CRB1: variants seen among roughly 807,000 people sequenced by gnomAD.
The protein encoded by CRB1 is crumbs cell polarity complex component 1.
In CRB1, 83 loss-of-function variants were observed where a neutral mutation model predicts 120.0. The observed-to-expected ratio is 0.69, with a 90% CI of 0.58 to 0.83. The LOEUF is 0.83. Ranked by LOEUF, CRB1 falls within the 40% of genes least tolerant of loss-of-function variation. The pLI is 0.00. For missense variants in CRB1, 1,699 were observed against 1,687.6 expected, an observed-to-expected ratio of 1.01 and a Z score of -0.12; for synonymous variants, 625 against 612.5, an observed-to-expected ratio of 1.02 and a Z score of -0.30.
chr1:197,417,574 G>A (rs1048483063), intron 5 of CRB1, among the ~76,000 whole-genome samples: 10 of 152,120 alleles, frequency 6.6e-5, no homozygotes, highest in East Asian at 3.9e-4. Context: ...AATATGAGCC[G>A]CCAGTAAAAA....
At chr1:197,211,329 A>G in the CRB1 span, among the ~76,000 whole-genome samples, 1 of 152,228 alleles carries the variant, frequency 6.6e-6, no homozygotes, top group Non-Finnish European at 1.5e-5. Context: ...AGACTTAATA[A>G]TTGAAGAAAT....
intron 11 of CRB1, chr1:197,443,149 T>G (rs1665537881): frequency 6.6e-6 from 1 of 150,490 alleles, no homozygotes; most frequent in African/African-American, 2.4e-5. Context: ...AAGAGAGAAT[T>G]ACCGATTAAA....
chr1:197,274,547 A>AT (rs1655096515), intron 1 of CRB1, among the ~76,000 whole-genome samples: 4 of 152,192 alleles, frequency 2.6e-5, no homozygotes, highest in Non-Finnish European at 5.9e-5. Context: ...CCATTAAAGT[A>AT]TTATGCAGAA....
intron 5 of CRB1, among the ~76,000 whole-genome samples, chr1:197,405,470 G>A (rs553263182): frequency 6.6e-6 from 1 of 152,112 alleles, no homozygotes; most frequent in South Asian, 2.1e-4. Flanking sequence ...CCAAAGTGCC[G>A]AGAGTGCAGC....
chr1:197,214,248 C>G, the CRB1 span, among the ~76,000 whole-genome samples: 1 of 152,074 alleles, frequency 6.6e-6, no homozygotes, highest in Non-Finnish European at 1.5e-5. Context: ...TTGCAAGAGA[C>G]TACAGTTGAC....
At chr1:197,415,007 T>C (rs1228978724) in intron 5 of CRB1, among the ~76,000 whole-genome samples, 1 of 152,196 alleles carries the variant, frequency 6.6e-6, no homozygotes, top group Non-Finnish European at 1.5e-5. Context: ...TTTTTGTTCT[T>C]TTTAAAGTGA....
chr1:197,236,221 CAA>C, the CRB1 span, among the ~76,000 whole-genome samples: 1 of 111,644 alleles, frequency 9.0e-6, no homozygotes, highest in Non-Finnish European at 1.7e-5. Flanking sequence ...TTTTGAGACA[CAA>C]GAGTCTCGCT....
chr1:197,427,309 G>A (rs1195751040), intron 6 of CRB1, 145 bp from the exon 7 acceptor site: 1 of 673,824 alleles, frequency 1.5e-6, no homozygotes, highest in Admixed American at 2.4e-5. Context: ...AACCTGTCCT[G>A]AACTTTAAAA....
rs538974352 is a variant in CRB1 at position 197,340,660 on chromosome 1, G to A, written c.653-3621G>A. On this transcript the variant is annotated intron_variant, in intron 2 of 11. Transcript: ENST00000367400. ...GAGATCTGATGACTAATTAGGACAC[G>A]GGGAATAGTGGCAAATAAGATGATA... 3.7e-4 allele frequency among the ~76,000 whole-genome samples: 57 copies of A among 152,194 alleles called. No individual in the cohort carries two copies. In the South Asian group the frequency reaches 8.7e-3, roughly 23 times the overall value.
Position 197,427,805 on chromosome 1 carries a change from G to T in CRB1, c.2480G>T (p.Gly827Val), listed in dbSNP as rs1558132142. 4 of 1,614,004 alleles carry T rather than the reference G, an allele frequency of 2.5e-6. No homozygotes were observed. The highest frequency in any genetic ancestry group is 3.4e-6 in the Non-Finnish European group (4 of 1,179,986). ...GCTTCTACGTGGAAAATCGAAAAGG[G>T]AGATGTCATCTACATTGGTGGCCTA... Reference protein sequence around the residue: ...ISASTWKIEKGDVIYIGGLPD... With the variant: ...ISASTWKIEKVDVIYIGGLPD... Residue 827 changes from glycine to valine, a missense_variant, in exon 7 of 12, where the codon GGA becomes GTA. Coordinates refer to ENST00000367400, the MANE Select transcript of CRB1 (RefSeq NM_201253.3).
At chr1:197,210,700 A>G in the CRB1 span, among the ~76,000 whole-genome samples, 6 of 152,126 alleles carry the variant, frequency 3.9e-5, no homozygotes, top group African/African-American at 1.4e-4. Flanking sequence ...ACAATGTCAT[A>G]TGATTTCTTC....
chr1:197,467,082 C>T (rs1666778776), intron 11 of CRB1, among the ~76,000 whole-genome samples: 1 of 151,996 alleles, frequency 6.6e-6, no homozygotes. Flanking sequence ...ATAAGCAAGG[C>T]CTGGTATAGC....
At position 197,477,641 on chromosome 1, in the gene CRB1, C is replaced by A. The variant is rs760218364; in HGVS notation, c.4006-23C>A. On this transcript the variant is annotated intron_variant, in intron 11 of 11. Coordinates refer to ENST00000367400, the MANE Select transcript of CRB1 (RefSeq NM_201253.3). ...TTTGCCTTTGCTATAGAATTCGCAT[C>A]CCAATGATTTCAATCTTTCCAGTTG... 2.5e-6 allele frequency: 4 copies of A among 1,607,372 alleles called. No individual in the cohort carries two copies. In the Admixed American group the frequency reaches 6.7e-5, roughly 27 times the overall value.
At chr1:197,402,393 CT>C (rs931307088) in intron 5 of CRB1, among the ~76,000 whole-genome samples, 1 of 152,130 alleles carries the variant, frequency 6.6e-6, no homozygotes, top group Non-Finnish European at 1.5e-5. Flanking sequence ...TTACCTTGTT[CT>C]TTTTTATGGC....
the CRB1 span, among the ~76,000 whole-genome samples, chr1:197,224,721 A>AGTCCTACTTAT: frequency 6.6e-6 from 1 of 152,100 alleles, no homozygotes; most frequent in Non-Finnish European, 1.5e-5. Flanking sequence ...CTGAAGATAC[A>AGTCCTACTTAT]GTCCTACTTA....
At chr1:197,332,397 T>C (rs1658912462) in intron 2 of CRB1, among the ~76,000 whole-genome samples, 2 of 152,204 alleles carry the variant, frequency 1.3e-5, no homozygotes, top group African/African-American at 4.8e-5. Context: ...TTTGACTATA[T>C]TCTTCCCTTG....
At chr1:197,352,428 G>A (rs1660156075) in intron 4 of CRB1, among the ~76,000 whole-genome samples, 2 of 152,146 alleles carry the variant, frequency 1.3e-5, no homozygotes, top group African/African-American at 4.8e-5. Flanking sequence ...TGGCTTATGT[G>A]TGTCTCGAGT....
chr1:197,231,024 G>A, the CRB1 span, among the ~76,000 whole-genome samples: 4 of 152,264 alleles, frequency 2.6e-5, no homozygotes, highest in Non-Finnish European at 4.4e-5. Flanking sequence ...TTATACAAAT[G>A]TTTAGCTGTA....
chr1:197,267,023 A>C (rs1244451149), upstream of CRB1, among the ~76,000 whole-genome samples: 4 of 152,200 alleles, frequency 2.6e-5, no homozygotes, highest in Non-Finnish European at 4.4e-5. Context: ...AAGAGACTTC[A>C]CAAGATTTAG....
Sources: gnomAD v4.1 joint callset for allele counts (sites outside exome capture counted in the v4.1 genomes callset) on GRCh38, gnomAD v4.1.1 for gene constraint, MANE v1.5 for transcripts, NCBI Gene and HGNC (gene_info 2026-07-23, HGNC 2026-07-21) for gene names.